SLC9C1: variants seen among roughly 807,000 people sequenced by gnomAD.
SLC9C1 encodes solute carrier family 9 member C1.
In SLC9C1, 97 loss-of-function variants were observed where a neutral mutation model predicts 140.9. The observed-to-expected ratio is 0.69, with a 90% confidence interval of 0.58 to 0.82. SLC9C1 has a LOEUF of 0.82. Among genes scored for constraint, SLC9C1 ranks in the 40% least tolerant of loss-of-function variants. The pLI is 0.00. For synonymous variants in SLC9C1, 440 were observed against 442.6 expected, an observed-to-expected ratio of 0.99 and a Z score of 0.07; for missense variants, 1,340 against 1,389.3, an observed-to-expected ratio of 0.96 and a Z score of 0.56.
At chr3:112,167,696 T>G (rs1412964493) in intron 25 of SLC9C1, among the ~76,000 whole-genome samples, 2 of 152,028 alleles carry the variant, frequency 1.3e-5, no homozygotes, top group Admixed American at 1.3e-4. Context: ...TCATTAAACT[T>G]TCTTTCTGCC....
At chr3:112,238,896 C>T (rs1328386451) in intron 12 of SLC9C1, among the ~76,000 whole-genome samples, 1 of 152,200 alleles carries the variant, frequency 6.6e-6, no homozygotes, top group Non-Finnish European at 1.5e-5. Context: ...TTAGGCTATT[C>T]AGGGGTCAGG....
At position 112,199,411 on chromosome 3, in the gene SLC9C1, A is replaced by C; in HGVS notation, c.2433T>G (p.Ile811Met). 1 of 1,601,158 alleles carries C rather than the reference A, an allele frequency of 6.2e-7. No homozygotes were observed. The highest frequency in any genetic ancestry group is 8.5e-7 in the Non-Finnish European group (1 of 1,174,304). Residue 811 changes from isoleucine to methionine, a missense_variant, in exon 20 of 29, where the codon ATT becomes ATG. Transcript: ENST00000305815. ...CTGTAGCCATATTGAGCATAACATT[A>C]ATTTCTTCCTTTGTTTTCACAGTGA... ...IAVTVKTKEE[I>M]NVMLNMATEI... is the part of the protein sequence containing the mutation.
chr3:112,292,097 C>T (rs13085836), intron 1 of SLC9C1, among the ~76,000 whole-genome samples: 41,668 of 151,954 alleles, frequency 0.27, 6,077 homozygotes, highest in East Asian at 0.4. Context: ...GAGGGGAATA[C>T]ACTGGGGCCT....
At chr3:112,289,388 T>C (rs1323587382) in intron 1 of SLC9C1, among the ~76,000 whole-genome samples, 1 of 152,162 alleles carries the variant, frequency 6.6e-6, no homozygotes, top group African/African-American at 2.4e-5. Flanking sequence ...TGTCAGAAAG[T>C]GAGGACAATT....
At chr3:112,217,606 G>T in intron 14 of SLC9C1, 45 bp from the exon 15 acceptor site, 1 of 1,517,656 alleles carries the variant, frequency 6.6e-7, no homozygotes, top group Non-Finnish European at 8.8e-7. Context: ...AACATTTTGA[G>T]ATAAGTTTAA....
chr3:112,202,311 T>C lies in SLC9C1; in HGVS notation c.2261A>G (p.Gln754Arg), dbSNP rs769337285. The C allele has an allele frequency of 1.2e-6, 2 of 1,611,486 alleles. No individual in the cohort carries two copies. Among genetic ancestry groups the C allele is most frequent in the Admixed American group, 3.3e-5 (2 of 59,784 alleles). Reference protein sequence around the residue: ...FWYGILKGYVQGEADIMTIID... With the variant: ...FWYGILKGYVRGEADIMTIID... ...TATGGTCATTATGTCTGCTTCGCCTTGGACATAGCCTTTTAGTATTCCATA... is the reference window on the plus strand; with the variant it reads ...TATGGTCATTATGTCTGCTTCGCCTCGGACATAGCCTTTTAGTATTCCATA... The change falls in exon 18 of 29, where the codon CAA becomes CGA. Residue 754 changes from glutamine (Q) to arginine (R), a missense_variant. Transcript: ENST00000305815.
chr3:112,175,437 C>T (rs2077318857), intron 23 of SLC9C1, among the ~76,000 whole-genome samples: 1 of 152,080 alleles, frequency 6.6e-6, no homozygotes, highest in African/African-American at 2.4e-5. Flanking sequence ...GATCAGAGAC[C>T]TACTTAAAAA....
chr3:112,158,979 T>A (rs1401476401), intron 26 of SLC9C1, among the ~76,000 whole-genome samples: 2 of 151,872 alleles, frequency 1.3e-5, no homozygotes, highest in Non-Finnish European at 2.9e-5. Flanking sequence ...ACTTTTAAAA[T>A]CATTATTATT....
At chr3:112,222,043 G>A (rs4682371) in intron 13 of SLC9C1, among the ~76,000 whole-genome samples, 45,020 of 125,520 alleles carry the variant, frequency 0.36, 7,226 homozygotes, top group East Asian at 0.57. Context: ...GACACTTGAG[G>A]ATGTGGGATG....
intron 27 of SLC9C1, among the ~76,000 whole-genome samples, chr3:112,153,695 A>C (rs140684228): frequency 3.0e-4 from 45 of 152,284 alleles, no homozygotes; most frequent in Admixed American, 1.0e-3. Context: ...TATTGCTATT[A>C]TCACTCTTTT....
Position 112,169,215 on chromosome 3 carries a change from T to C in SLC9C1, c.3033A>G (p.Arg1011=). The C allele has an allele frequency of 6.2e-7, 1 of 1,613,206 alleles. No individual in the cohort carries two copies. Residue 1011 remains arginine (R), a synonymous_variant, in exon 24 of 29, where the codon AGA becomes AGG. Coordinates refer to ENST00000305815, the MANE Select transcript of SLC9C1 (RefSeq NM_183061.3). Reference sequence around the variant, plus strand: ...TTCCTACCTCATAAGATAAGTGTTCTCTGATTTTTCTGGCTGTAATAGCGA... The same window carrying C: ...TTCCTACCTCATAAGATAAGTGTTCCCTGATTTTTCTGGCTGTAATAGCGA... ...LGLAITARKI[R]EHLSYEDWNY...
chr3:112,144,295 A>G (rs996964149), intron 28 of SLC9C1, among the ~76,000 whole-genome samples: 1 of 148,954 alleles, frequency 6.7e-6, no homozygotes, highest in Non-Finnish European at 1.5e-5. Context: ...CTCCTGCCTC[A>G]GCCTCTTGAG....
Position 112,213,584 on chromosome 3 carries a change from C to T in SLC9C1, c.1790+3858G>A, listed in dbSNP as rs941541705. Reference sequence around the variant, plus strand: ...AGTCTCTGATAAAACAGACTTTAAACCAACGAAGATCAAAAGAGACAAAGA... The same window carrying T: ...AGTCTCTGATAAAACAGACTTTAAATCAACGAAGATCAAAAGAGACAAAGA... On this transcript the variant is annotated intron_variant, in intron 15 of 28. Transcript: ENST00000305815. Among the ~76,000 whole-genome samples the T allele has an allele frequency of 8.5e-5, 13 of 152,194 alleles. No homozygotes were observed. In the East Asian group the frequency reaches 2.1e-3, roughly 25 times the overall value.
At chr3:112,262,774 G>C in intron 10 of SLC9C1, 150 bp downstream of exon 10, 1 of 567,090 alleles carries the variant, frequency 1.8e-6, no homozygotes, top group Admixed American at 4.2e-5. Flanking sequence ...GTTGCCAGTT[G>C]TTCCTCCTCT....
intron 20 of SLC9C1, chr3:112,185,610 C>G (rs2107973118): frequency 6.3e-7 from 1 of 1,594,682 alleles, no homozygotes; most frequent in East Asian, 2.2e-5. Flanking sequence ...GAAGCCCTCT[C>G]TCCCAAGGGG....
rs73853324 is a variant in SLC9C1, at chr3:112,168,941, A to G, written c.3173T>C (p.Val1058Ala). 87,345 of 1,610,092 alleles carry G rather than the reference A, an allele frequency of 0.054. 2,631 individuals carry two copies. Among genetic ancestry groups the G allele is most frequent in the South Asian group, 0.088 (7,853 of 89,690 alleles). ...AGTTTTTCGTAACAGACAATCTTCT[A>G]CAGCTCCATGTATGAGGATAACATA... ...LIYVILIHGAVEDCLLRKTYR... is the reference protein window; with the variant it reads ...LIYVILIHGAAEDCLLRKTYR... Residue 1058 changes from valine to alanine, a missense_variant, in exon 25 of 29, where the codon GTA becomes GCA. Transcript: ENST00000305815.
intron 13 of SLC9C1, among the ~76,000 whole-genome samples, chr3:112,227,242 A>T (rs2078706053): frequency 6.6e-6 from 1 of 152,204 alleles, no homozygotes; most frequent in Non-Finnish European, 1.5e-5. Context: ...AACTCATTTT[A>T]TGAGGCTAGC....
chr3:112,276,999 T>G (rs1444918507), intron 5 of SLC9C1, among the ~76,000 whole-genome samples: 1 of 152,152 alleles, frequency 6.6e-6, no homozygotes, highest in Non-Finnish European at 1.5e-5. Flanking sequence ...GAAAAGAGTA[T>G]GCGTGTGTGT....
At chr3:112,230,848 CA>C (rs2078802347) in intron 13 of SLC9C1, among the ~76,000 whole-genome samples, 2 of 152,186 alleles carry the variant, frequency 1.3e-5, no homozygotes, top group Non-Finnish European at 2.9e-5. Flanking sequence ...TGTGCTACAG[CA>C]TTTCTCTAAT....
Sources: allele counts gnomAD v4.1 joint callset (sites outside exome capture counted in the v4.1 genomes callset), GRCh38; gene constraint gnomAD v4.1.1; transcripts MANE v1.5; gene names NCBI Gene and HGNC (gene_info 2026-07-23, HGNC 2026-07-21).